Variants in CEP63 observed in about 807,000 individuals in gnomAD.
CEP63 encodes the protein centrosomal protein 63, also known as centrosomal protein of 63 kDa.
Under a neutral mutation model 89.1 loss-of-function variants are expected in CEP63, and 84 were observed. The ratio of observed to expected loss-of-function variants is 0.94; its 90% CI spans 0.79 to 1.13. The LOEUF is 1.13. Among genes scored for constraint, CEP63 ranks in the 50% most tolerant of loss-of-function variants. The probability of loss-of-function intolerance (pLI) is 0.00; values close to 1 mark genes in which losing one functional copy is unlikely to be tolerated. For synonymous variants in CEP63, 267 were observed against 272.5 expected (o/e 0.98, Z 0.20); for missense variants, 838 against 813.3 (o/e 1.03, Z -0.37).
At chr3:134,686,643 CT>C in the CEP63 span, among the ~76,000 whole-genome samples, 1 of 152,218 alleles carries the variant, frequency 6.6e-6, no homozygotes, top group Non-Finnish European at 1.5e-5. Flanking sequence ...GTAAGAAGGG[CT>C]GCTCCCAACT....
chr3:134,553,144 T>C (rs1043219562), intron 12 of CEP63: 6 of 152,174 alleles, frequency 3.9e-5, no homozygotes, highest in Non-Finnish European at 7.4e-5. Flanking sequence ...TCCAAAAAGA[T>C]ATATGGTTCC....
chr3:134,662,414 A>T, the CEP63 span, among the ~76,000 whole-genome samples: 1,095 of 152,338 alleles, frequency 7.2e-3, 9 homozygotes, highest in South Asian at 0.012. Flanking sequence ...GTTGTCTATA[A>T]GCCACCCAGT....
chr3:134,537,166 G>T lies in CEP63; in HGVS notation c.453G>T (p.Gln151His), dbSNP rs1950923291. 1 of 1,612,562 alleles carries T rather than the reference G, an allele frequency of 6.2e-7. No homozygotes were observed. The highest frequency in any genetic ancestry group is 1.7e-5 in the Admixed American group (1 of 60,006). ...RLTAKIEEFR[Q>H]KSLDWEKQRL... ...AATTGCCTCCTCAGGAATTCCGTCA[G>T]AAATCGCTGGACTGGGAGAAGCAAC... The change falls in exon 6 of 15, where the codon CAG (glutamine) becomes CAT (histidine). Residue 151 changes from glutamine (Q) to histidine (H), a missense_variant. By Grantham distance (24) the Gln-to-His change is conservative. Coordinates refer to ENST00000675561, the MANE Select transcript of CEP63 (RefSeq NM_001353108.3).
the CEP63 span, chr3:134,610,330 T>C: frequency 1.6e-5 from 26 of 1,613,012 alleles, no homozygotes; most frequent in Admixed American, 5.0e-5. Context: ...CCCTGTCTGG[T>C]AGCCGAAACC....
the CEP63 span, among the ~76,000 whole-genome samples, chr3:134,730,661 TA>T: frequency 5.9e-5 from 9 of 152,004 alleles, no homozygotes; most frequent in Non-Finnish European, 1.2e-4. Context: ...TCAGTTTCTT[TA>T]AAAAAACTAT....
At chr3:134,755,235 GCCC>G in the CEP63 span, among the ~76,000 whole-genome samples, 2 of 2,974 alleles carry the variant, frequency 6.7e-4, no homozygotes, top group African/African-American at 7.3e-4. Context: ...TGAACCCTGA[GCCC>G]TGAGCCCTGA....
chr3:134,527,607 G>A (rs1948935809), intron 3 of CEP63, among the ~76,000 whole-genome samples: 1 of 152,236 alleles, frequency 6.6e-6, no homozygotes, highest in Non-Finnish European at 1.5e-5. Flanking sequence ...GCAAAGCCAT[G>A]TGGGGAGTTG....
At chr3:134,646,776 T>C in the CEP63 span, among the ~76,000 whole-genome samples, 6 of 152,056 alleles carry the variant, frequency 3.9e-5, no homozygotes, top group South Asian at 1.2e-3. Flanking sequence ...GCTCTGGGAG[T>C]AGAGGTTTGG....
At chr3:134,592,441 A>C (rs1323150945), downstream of CEP63, among the ~76,000 whole-genome samples, 1 of 149,418 alleles carries the variant, frequency 6.7e-6, no homozygotes, top group African/African-American at 2.5e-5. Flanking sequence ...ACATTTTTTC[A>C]AACAACCACA....
the CEP63 span, among the ~76,000 whole-genome samples, chr3:134,726,479 C>CACAA: frequency 2.0e-5 from 3 of 147,348 alleles, no homozygotes; most frequent in Admixed American, 6.8e-5. Flanking sequence ...CACACACACA[C>CACAA]ACACACACAC....
chr3:134,630,859 A>C, the CEP63 span, among the ~76,000 whole-genome samples: 1 of 152,226 alleles, frequency 6.6e-6, no homozygotes, highest in Non-Finnish European at 1.5e-5. Context: ...AGTAATAGCA[A>C]ACAGTTTTGA....
chr3:134,674,974 G>A, the CEP63 span, among the ~76,000 whole-genome samples: 3 of 152,134 alleles, frequency 2.0e-5, no homozygotes, highest in Non-Finnish European at 2.9e-5. Flanking sequence ...TCCCCAAACT[G>A]ATCTACAGAT....
the CEP63 span, among the ~76,000 whole-genome samples, chr3:134,623,526 C>T: frequency 6.6e-6 from 1 of 152,138 alleles, no homozygotes; most frequent in South Asian, 2.1e-4. Flanking sequence ...CCCTTCCTTT[C>T]CTGGCTGCTC....
At chr3:134,537,124 C>G in intron 5 of CEP63, 31 bp from the exon 6 acceptor site, 1 of 1,355,574 alleles carries the variant, frequency 7.4e-7, no homozygotes, top group Non-Finnish European at 1.1e-6. Context: ...GAGAAGCACT[C>G]AGAAATTAAG....
the CEP63 span, among the ~76,000 whole-genome samples, chr3:134,701,787 A>G: frequency 6.6e-6 from 1 of 152,146 alleles, no homozygotes; most frequent in Non-Finnish European, 1.5e-5. Flanking sequence ...AAATCAAACT[A>G]TCTTTGTTTG....
the CEP63 span, among the ~76,000 whole-genome samples, chr3:134,694,095 C>T: frequency 6.6e-6 from 1 of 152,226 alleles, no homozygotes. Flanking sequence ...GGAAAGCCTC[C>T]AGCCTCCAGG....
the CEP63 span, among the ~76,000 whole-genome samples, chr3:134,752,520 C>G: frequency 6.6e-5 from 10 of 152,136 alleles, no homozygotes; most frequent in Admixed American, 6.5e-5. Context: ...GGACAGCAGC[C>G]AACTCCTCCT....
chr3:134,545,815 T>C lies in CEP63; in HGVS notation c.785T>C (p.Leu262Ser). 6.2e-7 allele frequency: 1 copy of C among 1,606,494 alleles called. No homozygotes were observed. The highest frequency in any genetic ancestry group is 8.5e-7 in the Non-Finnish European group (1 of 1,173,842). Residue 262 changes from leucine to serine, a missense_variant, in exon 7 of 15, where the codon TTA (leucine) becomes TCA (serine). By Grantham distance (145) the Leu-to-Ser change is moderately radical. Transcript: ENST00000675561. ...EEKLRESEKL[L>S]EALQEEKREL... is the part of the protein sequence containing the mutation. ...AAATTGAGGGAATCTGAAAAACTAT[T>C]AGAGGTATGTTTTAAAATCACTATA...
chr3:134,710,988 G>T, the CEP63 span, among the ~76,000 whole-genome samples: 1 of 152,052 alleles, frequency 6.6e-6, no homozygotes, highest in Admixed American at 6.6e-5. Context: ...TCAAAGTGCT[G>T]GGATTACAGG....
Sources: allele counts gnomAD v4.1 joint callset (sites outside exome capture counted in the v4.1 genomes callset), GRCh38; gene constraint gnomAD v4.1.1; transcripts MANE v1.5; gene names NCBI Gene and HGNC (gene_info 2026-07-23, HGNC 2026-07-21).